Variants in PRRG1 observed in about 807,000 individuals in gnomAD.
The protein encoded by PRRG1 is proline rich and Gla domain 1, also known as transmembrane gamma-carboxyglutamic acid protein 1.
Under a neutral mutation model 11.8 loss-of-function variants are expected in PRRG1, and 5 were observed. That is an observed-to-expected ratio of 0.42 (90% confidence interval 0.22 to 0.89). The LOEUF (loss-of-function observed/expected upper bound fraction) is 0.89, where lower values mean the gene tolerates loss of function less well. Ranked by LOEUF, PRRG1 falls within the 40% of genes least tolerant of loss-of-function variation. The probability of loss-of-function intolerance (pLI) is 0.28; values close to 1 mark genes in which losing one functional copy is unlikely to be tolerated. For missense variants in PRRG1, 155 were observed against 166.1 expected (o/e 0.93, Z 0.37); for synonymous variants, 66 against 60.4 (o/e 1.09, Z -0.43).
At chrX:37,395,709 C>G (rs1412585201) in intron 1 of PRRG1, among the ~76,000 whole-genome samples, 3 of 109,524 alleles carry the variant, frequency 2.7e-5, no homozygotes, top group Non-Finnish European at 5.7e-5. Context: ...ACTGAAAAAT[C>G]AACAGGAAAC....
intron 1 of PRRG1, among the ~76,000 whole-genome samples, chrX:37,360,336 C>T (rs1930373901): frequency 8.9e-6 from 1 of 112,071 alleles, no homozygotes; most frequent in East Asian, 2.8e-4. Flanking sequence ...CAAATTGTGA[C>T]AAGTTGTATT....
intron 1 of PRRG1, among the ~76,000 whole-genome samples, chrX:37,356,818 C>G (rs570166775): frequency 9.0e-5 from 10 of 110,889 alleles, no homozygotes; most frequent in African/African-American, 3.0e-4. Context: ...TCATATACCC[C>G]CTCTTCACAT....
chrX:37,442,638 A>T (rs1933005726), intron 3 of PRRG1, among the ~76,000 whole-genome samples: 1 of 111,413 alleles, frequency 9.0e-6, no homozygotes, highest in African/African-American at 3.3e-5. Context: ...GGATTAAAAT[A>T]AAGGGGGTCT....
At chrX:37,408,412 G>A (rs1184165785) in intron 2 of PRRG1, among the ~76,000 whole-genome samples, 1 of 111,905 alleles carries the variant, frequency 8.9e-6, no homozygotes, top group Admixed American at 9.5e-5. Context: ...CGTTGACATA[G>A]CCTGCGAGAA....
intron 1 of PRRG1, among the ~76,000 whole-genome samples, chrX:37,398,936 G>T (rs1331486891): frequency 3.6e-5 from 4 of 111,036 alleles, no homozygotes; most frequent in Admixed American, 9.5e-5. Context: ...AGAGAAAAAA[G>T]AATAAAAAGA....
At chrX:37,438,808 G>C (rs1556392740) in intron 3 of PRRG1, among the ~76,000 whole-genome samples, 2 of 111,555 alleles carry the variant, frequency 1.8e-5, no homozygotes, top group Admixed American at 9.5e-5. Flanking sequence ...ATAAAGTACA[G>C]CAACCAACCA....
At chrX:37,353,697 A>G (rs191776020) in intron 1 of PRRG1, among the ~76,000 whole-genome samples, 1 of 112,310 alleles carries the variant, frequency 8.9e-6, no homozygotes, top group East Asian at 2.8e-4. Flanking sequence ...TTGTGTTACA[A>G]TTGCCTGTTC....
chrX:37,432,047 G>C (rs140065916), intron 3 of PRRG1, among the ~76,000 whole-genome samples: 4,567 of 107,604 alleles, frequency 0.042, 256 homozygotes, highest in African/African-American at 0.15. Flanking sequence ...AAAGTGCTAG[G>C]ATTATAGGCA....
chrX:37,433,766 G>A (rs1932856446), intron 3 of PRRG1, among the ~76,000 whole-genome samples: 2 of 111,896 alleles, frequency 1.8e-5, no homozygotes, highest in Non-Finnish European at 3.8e-5. Flanking sequence ...TAGTTTATGG[G>A]AGGAACCGAT....
intron 1 of PRRG1, among the ~76,000 whole-genome samples, chrX:37,354,192 A>G (rs1199449530): frequency 2.7e-5 from 3 of 110,563 alleles, no homozygotes; most frequent in Non-Finnish European, 5.7e-5. Flanking sequence ...AGAGTCTAAG[A>G]ATTTCCATTT....
chrX:37,404,349 A>G (rs908693750), intron 1 of PRRG1, among the ~76,000 whole-genome samples: 5 of 111,576 alleles, frequency 4.5e-5, no homozygotes, highest in Middle Eastern at 4.7e-3. Context: ...TTAGTATATT[A>G]ACTTTCTTTT....
intron 3 of PRRG1, among the ~76,000 whole-genome samples, chrX:37,447,447 C>T (rs1556395505): frequency 8.9e-6 from 1 of 112,372 alleles, no homozygotes; most frequent in African/African-American, 3.2e-5. Context: ...CATAATCATT[C>T]TTCAATGTAT....
At chrX:37,376,551 G>GTATATATATATATATGTATATATA (rs1556372319) in intron 1 of PRRG1, among the ~76,000 whole-genome samples, 2 of 26,911 alleles carry the variant, frequency 7.4e-5, no homozygotes, top group Non-Finnish European at 1.9e-4. Flanking sequence ...AAATGTGAGT[G>GTATATATATATATATGTATATATA]TATATATATA....
In PRRG1 at chrX:37,432,269, A is replaced by G. The variant is rs956213041; in HGVS notation, c.171+6269A>G. Among the ~76,000 whole-genome samples the G allele has an allele frequency of 4.1e-4, 44 of 106,622 alleles. 1 individual carries two copies. Among genetic ancestry groups the G allele is most frequent in the Admixed American group, 3.6e-3 (36 of 10,110 alleles). 92.6% of individuals were successfully genotyped at this position (106,622 alleles called of 115,157 possible). ...CGCCCGGCTAATTTTTTGTATTTTTAGTAGAGACGGCTTTCACCCTGTTAG... is the reference window on the plus strand; with the variant it reads ...CGCCCGGCTAATTTTTTGTATTTTTGGTAGAGACGGCTTTCACCCTGTTAG... On this transcript the variant is annotated intron_variant, in intron 3 of 3. Transcript: ENST00000378628.
At chrX:37,379,838 A>G (rs1396289573) in intron 1 of PRRG1, among the ~76,000 whole-genome samples, 2 of 111,846 alleles carry the variant, frequency 1.8e-5, no homozygotes, top group Admixed American at 1.9e-4. Flanking sequence ...CTCTGTGCCA[A>G]CTAAGTGTTG....
At chrX:37,429,488 T>C (rs1556389452) in intron 3 of PRRG1, among the ~76,000 whole-genome samples, 1 of 111,759 alleles carries the variant, frequency 8.9e-6, no homozygotes, top group Non-Finnish European at 1.9e-5. Flanking sequence ...TGCTAAAACA[T>C]AGCAAGAGTC....
chrX:37,354,399 T>A lies in PRRG1; in HGVS notation c.-42+5004T>A, dbSNP rs782812302. Among the ~76,000 whole-genome samples, 22 of 107,290 alleles carry A rather than the reference T, an allele frequency of 2.1e-4. 1 individual carries two copies. The South Asian group carries it at 2.9e-3, about 14-fold the overall frequency. The allele number at this position is 107,290 out of a possible 115,157, so 93.2% of individuals were successfully genotyped here. A position where few individuals can be genotyped will look rare whatever the true frequency, so the allele number is the denominator to read the frequency against. On this transcript the variant is annotated intron_variant, in intron 1 of 3. Transcript: ENST00000378628. ...TATTTTTATTTTTATTTTTTTATTT[T>A]TTTTTTTTATTGGGACAGAGTCTCA...
rs782575230 is a variant in PRRG1, at chrX:37,426,016, A to G, written c.171+16A>G. On this transcript the variant is annotated intron_variant, in intron 3 of 3. Coordinates refer to ENST00000378628, the MANE Select transcript of PRRG1 (RefSeq NM_001142395.2). Reference sequence around the variant, plus strand: ...TGAAAAAACTGTAAGTATGTTGGCAATTAAAAAGTTGCACAGATTTGCCTA... The same window carrying G: ...TGAAAAAACTGTAAGTATGTTGGCAGTTAAAAAGTTGCACAGATTTGCCTA... 8.6e-7 allele frequency: 1 copy of G among 1,161,520 alleles called. No homozygotes were observed. The highest frequency in any genetic ancestry group is 2.0e-5 in the South Asian group (1 of 48,851).
intron 1 of PRRG1, among the ~76,000 whole-genome samples, chrX:37,400,655 G>T: frequency 9.0e-6 from 1 of 111,622 alleles, no homozygotes; most frequent in Non-Finnish European, 1.9e-5. Context: ...GAAGGAAATA[G>T]AGACACAAAA....
Sources: gnomAD v4.1 joint callset for allele counts (sites outside exome capture counted in the v4.1 genomes callset) on GRCh38, gnomAD v4.1.1 for gene constraint, MANE v1.5 for transcripts, NCBI Gene and HGNC (gene_info 2026-07-23, HGNC 2026-07-21) for gene names.